Variants in PCDHGA8 observed in about 807,000 individuals in gnomAD.
PCDHGA8 encodes protocadherin gamma-A8.
PCDHGA8 carries 45 observed loss-of-function variants against 59.2 expected under a neutral mutation model. The observed-to-expected ratio is 0.76, with a 90% CI of 0.60 to 0.98. The LOEUF (loss-of-function observed/expected upper bound fraction) is 0.98, where lower values mean the gene tolerates loss of function less well. PCDHGA8 is among the 50% of genes least tolerant of loss of function. The probability of loss-of-function intolerance (pLI) is 0.00; values close to 1 mark genes in which losing one functional copy is unlikely to be tolerated. For missense variants in PCDHGA8, 1,257 were observed against 1,196.2 expected (o/e 1.05, Z -0.75); for synonymous variants, 531 against 519.0 (o/e 1.02, Z -0.32).
chr5:141,421,784 G>C, intron 1 of PCDHGA8: 1 of 1,613,874 alleles, frequency 6.2e-7, no homozygotes, highest in Non-Finnish European at 8.5e-7. Context: ...CTGCGGGGCA[G>C]AACGGATGGG....
At chr5:141,469,126 A>T (rs2099191838) in intron 1 of PCDHGA8, among the ~76,000 whole-genome samples, 1 of 151,470 alleles carries the variant, frequency 6.6e-6, no homozygotes, top group African/African-American at 2.4e-5. Context: ...AAATTTAAAA[A>T]TTAGCCAGAA....
At chr5:141,433,208 CTT>C (rs745329085) in intron 1 of PCDHGA8, 289 of 1,287,502 alleles carry the variant, frequency 2.2e-4, no homozygotes, top group South Asian at 2.8e-4. Context: ...AATCTTCTTT[CTT>C]TTTTTTTTTT....
intron 1 of PCDHGA8, chr5:141,398,974 A>G (rs1486049931): frequency 1.4e-5 from 23 of 1,613,860 alleles, no homozygotes; most frequent in Non-Finnish European, 1.9e-5. Context: ...TTCCTTCTAC[A>G]GAACCGGGCA....
intron 1 of PCDHGA8, chr5:141,417,676 C>A (rs902104404): frequency 4.0e-6 from 4 of 993,448 alleles, no homozygotes; most frequent in Middle Eastern, 3.3e-4. Flanking sequence ...GCGCAGCCAA[C>A]AACAGAAAAG....
chr5:141,424,655 TTTAA>T (rs1162406206), intron 1 of PCDHGA8: 3 of 152,238 alleles, frequency 2.0e-5, no homozygotes, highest in Non-Finnish European at 4.4e-5. Flanking sequence ...GTATTTGGAC[TTTAA>T]TTAAACTGAT....
rs756252337 is a variant in PCDHGA8, at chr5:141,413,183, C to T, written c.2424+17946C>T. The T allele has an allele frequency of 3.7e-6, 6 of 1,605,222 alleles. No individual in the cohort carries two copies. The Admixed American group carries it at 1.0e-4, about 27-fold the overall frequency. Reference sequence around the variant, plus strand: ...TTCTGTAACCAGACTACAATGGCCGCTCAAAGGAATCGCTCAAAGGAATCA... The same window carrying T: ...TTCTGTAACCAGACTACAATGGCCGTTCAAAGGAATCGCTCAAAGGAATCA... On this transcript the variant is annotated intron_variant, in intron 1 of 3. Transcript: ENST00000398604.
At chr5:141,415,177 G>A (rs758980730) in intron 1 of PCDHGA8, 26 of 1,613,808 alleles carry the variant, frequency 1.6e-5, no homozygotes, top group East Asian at 4.5e-5. Flanking sequence ...CACCGTGGCC[G>A]TGGCCGACAG....
intron 1 of PCDHGA8, chr5:141,398,829 C>T (rs1020690994): frequency 3.1e-6 from 5 of 1,613,876 alleles, no homozygotes; most frequent in African/African-American, 2.7e-5. Context: ...AGGTAACCGA[C>T]GCCAATGATA....
intron 1 of PCDHGA8, chr5:141,413,935 A>G: frequency 1.2e-6 from 2 of 1,613,372 alleles, no homozygotes; most frequent in Non-Finnish European, 1.7e-6. Flanking sequence ...ATACCGAGTG[A>G]GTGTTCCTGA....
Position 141,432,928 on chromosome 5 carries a change from C to T in PCDHGA8, c.2424+37691C>T, listed in dbSNP as rs1443097611. ...GGCTGCGGCGCTGGCACAAGTCACG[C>T]CTGCTGCAGGCTTCAGGAGGCGGCT... On this transcript the variant is annotated intron_variant, in intron 1 of 3. Transcript: ENST00000398604. This position sits in a 1 kb window ranked among gnomAD's most constrained non-coding sequence, Gnocchi z 6.0. 1.2e-6 allele frequency: 2 copies of T among 1,614,066 alleles called. No homozygotes were observed. Among genetic ancestry groups the T allele is most frequent in the African/African-American group, 1.3e-5 (1 of 74,942 alleles).
intron 1 of PCDHGA8, chr5:141,404,187 G>A (rs370199750): frequency 3.1e-6 from 5 of 1,613,124 alleles, no homozygotes; most frequent in African/African-American, 1.3e-5. Context: ...ATTCTTGACC[G>A]AGAAAAAGCC....
chr5:141,497,812 T>C (rs947015544), intron 2 of PCDHGA8, among the ~76,000 whole-genome samples: 2 of 152,202 alleles, frequency 1.3e-5, no homozygotes, highest in African/African-American at 4.8e-5. Flanking sequence ...AGTGCTAGAA[T>C]TACAGGTGTG....
chr5:141,414,180 A>G, intron 1 of PCDHGA8: 2 of 1,608,986 alleles, frequency 1.2e-6, no homozygotes, highest in Middle Eastern at 1.7e-4. Context: ...TTGCAACTGC[A>G]AAAGTGTTGA....
chr5:141,421,498 A>T (rs1303740754), intron 1 of PCDHGA8: 2 of 1,613,952 alleles, frequency 1.2e-6, no homozygotes, highest in African/African-American at 1.3e-5. Context: ...GGCAGGCAGG[A>T]TAGACCGGGA....
chr5:141,471,631 G>A (rs573080972), intron 1 of PCDHGA8: 7 of 152,188 alleles, frequency 4.6e-5, no homozygotes, highest in African/African-American at 9.6e-5. Flanking sequence ...CATTGGTATG[G>A]ATTAGTAATA....
intron 1 of PCDHGA8, 127 bp downstream of exon 1, chr5:141,395,364 AT>A: frequency 1.6e-6 from 2 of 1,264,440 alleles, no homozygotes; most frequent in Non-Finnish European, 2.1e-6. Context: ...TTTTGGGTTT[AT>A]TTTGGTGGTG....
rs529966095 is a variant in PCDHGA8 at position 141,499,776 on chromosome 5, TC to T, written c.2483+4914del. 3.7e-3 allele frequency among the ~76,000 whole-genome samples: 528 copies of T among 141,410 alleles called. 6 individuals carry two copies. Among genetic ancestry groups the T allele is most frequent in the Non-Finnish European group, 4.2e-3 (282 of 66,550 alleles). The allele number at this position is 141,410 out of a possible 152,430, so 92.8% of individuals were successfully genotyped here. ...ATCTCAGCTCACTGCAGCCTTCGCCTCCCGGGTTCAAGCAATTCTCATGCTT... is the reference window on the plus strand; with the variant it reads ...ATCTCAGCTCACTGCAGCCTTCGCCTCCGGGTTCAAGCAATTCTCATGCTT... On this transcript the variant is annotated intron_variant, in intron 2 of 3. Coordinates refer to ENST00000398604, the MANE Select transcript of PCDHGA8 (RefSeq NM_032088.2).
At chr5:141,409,868 A>G in intron 1 of PCDHGA8, 2 of 1,612,688 alleles carry the variant, frequency 1.2e-6, no homozygotes, top group South Asian at 1.1e-5. Context: ...GGGAGACCGC[A>G]ATGACAACGC....
intron 1 of PCDHGA8, chr5:141,398,831 C>T: frequency 6.2e-7 from 1 of 1,614,014 alleles, no homozygotes; most frequent in South Asian, 1.1e-5. Context: ...GTAACCGACG[C>T]CAATGATAAT....
Sources: allele counts gnomAD v4.1 joint callset (sites outside exome capture counted in the v4.1 genomes callset), GRCh38; gene constraint gnomAD v4.1.1; non-coding constraint Gnocchi (gnomAD v3.1); transcripts MANE v1.5; gene names NCBI Gene and HGNC (gene_info 2026-07-23, HGNC 2026-07-21).